Variants in CACNA2D2 observed in about 807,000 individuals in gnomAD.
CACNA2D2 encodes the protein calcium voltage-gated channel auxiliary subunit alpha2delta 2.
CACNA2D2 carries 48 observed loss-of-function variants against 166.4 expected under a neutral mutation model. That is an observed-to-expected ratio of 0.29 (90% CI 0.23 to 0.37). The LOEUF is 0.37. Among genes scored for constraint, CACNA2D2 ranks in the 10% least tolerant of loss-of-function variants. The probability of loss-of-function intolerance (pLI) is 1.00; values close to 1 mark genes in which losing one functional copy is unlikely to be tolerated. For synonymous variants in CACNA2D2, 561 were observed against 573.7 expected, an observed-to-expected ratio of 0.98 and a Z score of 0.32; for missense variants, 1,122 against 1,433.0, an observed-to-expected ratio of 0.78 and a Z score of 3.50.
intron 1 of CACNA2D2, among the ~76,000 whole-genome samples, chr3:50,480,199 A>G (rs965297280): frequency 6.6e-6 from 1 of 152,182 alleles, no homozygotes. Context: ...CCATGATCCC[A>G]TCTTTCCAGG....
chr3:50,500,938 C>G (rs1698938130), intron 1 of CACNA2D2, among the ~76,000 whole-genome samples: 1 of 152,166 alleles, frequency 6.6e-6, no homozygotes, highest in Admixed American at 6.5e-5. Flanking sequence ...AATCCAGCAG[C>G]TTGTGAAGCT....
At chr3:50,384,593 C>A (rs1705500742) in intron 5 of CACNA2D2, among the ~76,000 whole-genome samples, 2 of 152,184 alleles carry the variant, frequency 1.3e-5, no homozygotes, top group South Asian at 4.1e-4. Context: ...TTGCTAAACC[C>A]AAATTTTAAA....
chr3:50,476,552 G>A (rs1697775222), intron 1 of CACNA2D2, among the ~76,000 whole-genome samples: 1 of 152,230 alleles, frequency 6.6e-6, no homozygotes, highest in African/African-American at 2.4e-5. Context: ...TGGACACCAG[G>A]GAGGAGGGAG....
intron 22 of CACNA2D2, among the ~76,000 whole-genome samples, chr3:50,372,862 C>T (rs1704732312): frequency 6.6e-6 from 1 of 152,060 alleles, no homozygotes; most frequent in African/African-American, 2.4e-5. Context: ...ACCCTGCAGG[C>T]AGGGCCAGGG....
chr3:50,471,802 A>G (rs1710109469), intron 2 of CACNA2D2, among the ~76,000 whole-genome samples: 1 of 152,200 alleles, frequency 6.6e-6, no homozygotes, highest in Admixed American at 6.5e-5. Flanking sequence ...GTAGTACTCC[A>G]CAAATATTAA....
At chr3:50,465,748 A>G (rs1255469855) in intron 2 of CACNA2D2, among the ~76,000 whole-genome samples, 1 of 152,168 alleles carries the variant, frequency 6.6e-6, no homozygotes, top group Non-Finnish European at 1.5e-5. Flanking sequence ...CAAGGCATGC[A>G]GAGGAAACTG....
chr3:50,452,377 C>T (rs927558079), intron 2 of CACNA2D2, among the ~76,000 whole-genome samples: 3 of 152,336 alleles, frequency 2.0e-5, no homozygotes, highest in East Asian at 1.9e-4. Flanking sequence ...TGGACCCTAT[C>T]GGAGCTGGTG....
chr3:50,497,558 G>A (rs575337763), intron 1 of CACNA2D2, among the ~76,000 whole-genome samples: 53 of 152,328 alleles, frequency 3.5e-4, no homozygotes, highest in Non-Finnish European at 4.4e-4. Flanking sequence ...TGAGAGGAGC[G>A]GGACCAGGAC....
intron 6 of CACNA2D2, among the ~76,000 whole-genome samples, chr3:50,382,828 C>T (rs1256073382): frequency 6.6e-6 from 1 of 152,146 alleles, no homozygotes; most frequent in African/African-American, 2.4e-5. Context: ...AGGTCAAGGG[C>T]CAAGAGGAGA....
intron 1 of CACNA2D2, among the ~76,000 whole-genome samples, chr3:50,492,274 C>T (rs931265076): frequency 1.3e-5 from 2 of 152,268 alleles, no homozygotes; most frequent in African/African-American, 4.8e-5. Context: ...CCTCTTAGCC[C>T]ACTCATGCCA....
intron 2 of CACNA2D2, among the ~76,000 whole-genome samples, chr3:50,439,921 C>T (rs1937478298): frequency 6.6e-6 from 1 of 152,208 alleles, no homozygotes; most frequent in Admixed American, 6.5e-5. Context: ...CTGCCTCACC[C>T]ACCCCTTCTA....
rs1037548659 is a variant in CACNA2D2, at chr3:50,406,543, C to T, written c.406-12375G>A. Among the ~76,000 whole-genome samples the T allele has an allele frequency of 5.3e-5, 8 of 151,742 alleles. 2 individuals are homozygous for T. In the East Asian group the frequency reaches 1.7e-3, roughly 31 times the overall value. On this transcript the variant is annotated intron_variant, in intron 3 of 37. Transcript: ENST00000424201. ...ATCCCCATCATCACTGTTGTTCCCC[C>T]CACTTAACCAGCACCAATGTCCCCA...
intron 1 of CACNA2D2, among the ~76,000 whole-genome samples, chr3:50,499,408 A>G (rs1392959802): frequency 6.6e-6 from 1 of 152,196 alleles, no homozygotes; most frequent in South Asian, 2.1e-4. Flanking sequence ...CAGCCATGGC[A>G]CCTGACGGAG....
chr3:50,499,871 G>C (rs1698884506), intron 1 of CACNA2D2, among the ~76,000 whole-genome samples: 1 of 152,170 alleles, frequency 6.6e-6, no homozygotes, highest in South Asian at 2.1e-4. Flanking sequence ...GGAGTCCAGG[G>C]GAACAGCAGC....
Position 50,380,823 on chromosome 3 carries a change from G to A in CACNA2D2, c.785-18C>T. 1 of 1,543,870 alleles carries A rather than the reference G, an allele frequency of 6.5e-7. No homozygotes were observed. The highest frequency in any genetic ancestry group is 8.7e-7 in the Non-Finnish European group (1 of 1,145,314). On this transcript the variant is annotated intron_variant, in intron 7 of 37. Transcript: ENST00000424201. This position sits in a 1 kb window ranked among gnomAD's most constrained non-coding sequence, Gnocchi z 4.9. ...CGGGGTGGCTGAGGGAGGAGAGAAG[G>A]TGAGGGGGACTGGCAGGAAAGGGCT...
At chr3:50,468,723 A>G (rs1029890417) in intron 2 of CACNA2D2, among the ~76,000 whole-genome samples, 1 of 150,788 alleles carries the variant, frequency 6.6e-6, no homozygotes. Context: ...CAGCCACTCT[A>G]TTTTCTTATG....
rs552824990 is a variant in CACNA2D2, at chr3:50,434,354, C to A, written c.364G>T (p.Asp122Tyr). 48 of 1,614,108 alleles carry A rather than the reference C, an allele frequency of 3.0e-5. No homozygotes were observed. The East Asian group carries it at 8.0e-4, about 27-fold the overall frequency. Residue 122 changes from aspartate (D) to tyrosine (Y), a missense_variant, in exon 3 of 38, where the codon GAC becomes TAC. By Grantham distance (160) the Asp-to-Tyr change is radical (BLOSUM62 -3). Around this residue, in one of 2 missense-constraint regions of CACNA2D2, gnomAD observed 840 missense variants for 1,166.8 expected, o/e 0.72. Coordinates refer to ENST00000424201, the MANE Select transcript of CACNA2D2 (RefSeq NM_006030.4). ...PQKLVEKVAG[D>Y]IESLLDRKVQ... ...TTCCTGTCCAGAAGGCTCTCAATGT[C>A]CCCTGCCACCTTCTCCACCAACTTC...
At chr3:50,479,899 T>C (rs145373861) in intron 1 of CACNA2D2, among the ~76,000 whole-genome samples, 130 of 152,348 alleles carry the variant, frequency 8.5e-4, no homozygotes, top group African/African-American at 2.9e-3. Flanking sequence ...TCCATGCTTT[T>C]CATTGAGATG....
intron 2 of CACNA2D2, among the ~76,000 whole-genome samples, chr3:50,474,017 T>C (rs1237270569): frequency 6.6e-6 from 1 of 152,222 alleles, no homozygotes; most frequent in Non-Finnish European, 1.5e-5. Flanking sequence ...AGCACGGCCC[T>C]GCTCTGGCCC....
Sources: allele counts gnomAD v4.1 joint callset (sites outside exome capture counted in the v4.1 genomes callset), GRCh38; gene constraint gnomAD v4.1.1; regional missense constraint gnomAD v4.1.1; non-coding constraint Gnocchi (gnomAD v3.1); transcripts MANE v1.5; gene names NCBI Gene and HGNC (gene_info 2026-07-23, HGNC 2026-07-21).